The following RNF180 variants were observed in gnomAD, a reference collection of about 807,000 sequenced individuals.
RNF180 encodes ring finger protein 180, also known as E3 ubiquitin-protein ligase RNF180.
RNF180 carries 38 observed loss-of-function variants against 59.2 expected under a neutral mutation model. The ratio of observed to expected loss-of-function variants is 0.64; its 90% CI spans 0.50 to 0.84. The LOEUF (loss-of-function observed/expected upper bound fraction) is 0.84. Ranked by LOEUF, RNF180 falls within the 40% of genes least tolerant of loss-of-function variation. The probability of loss-of-function intolerance (pLI) is 0.00; values close to 1 mark genes in which losing one functional copy is unlikely to be tolerated. For missense variants in RNF180, 705 were observed against 700.9 expected (o/e 1.01, Z -0.07); for synonymous variants, 262 against 240.3 (o/e 1.09, Z -0.84).
At chr5:64,316,677 A>G (rs2112495367) in intron 5 of RNF180, among the ~76,000 whole-genome samples, 2 of 152,356 alleles carry the variant, frequency 1.3e-5, no homozygotes, top group South Asian at 2.1e-4. Flanking sequence ...AAATAAAAAT[A>G]TATAAATCAA....
chr5:64,228,571 A>T (rs1741914480), intron 5 of RNF180, among the ~76,000 whole-genome samples: 1 of 152,284 alleles, frequency 6.6e-6, no homozygotes, highest in Middle Eastern at 3.4e-3. Context: ...GGGAAGGAGA[A>T]TGTAATCTGG....
chr5:64,337,894 C>G (rs1745198475), intron 7 of RNF180, among the ~76,000 whole-genome samples: 1 of 152,112 alleles, frequency 6.6e-6, no homozygotes, highest in Admixed American at 6.5e-5. Context: ...TTTTCTTAAT[C>G]CAATCTATCA....
chr5:64,233,605 G>A (rs917985583), intron 5 of RNF180, among the ~76,000 whole-genome samples: 3 of 152,060 alleles, frequency 2.0e-5, no homozygotes, highest in East Asian at 1.9e-4. Context: ...AGTAATATAC[G>A]CCAAAATCTA....
chr5:64,361,018 G>A (rs1526875), intron 7 of RNF180, among the ~76,000 whole-genome samples: 68,027 of 151,256 alleles, frequency 0.45, 16,722 homozygotes, highest in African/African-American at 0.66. Context: ...ACAGTTTGCT[G>A]TGCAAATATC....
rs1374015457 is a variant in RNF180 at position 64,200,839 on chromosome 5, A to G, written c.32A>G (p.Asn11Ser). Residue 11 changes from asparagine (N) to serine (S), a missense_variant, in exon 2 of 8, where the codon AAT (asparagine) becomes AGT (serine). Coordinates refer to ENST00000389100, the MANE Select transcript of RNF180 (RefSeq NM_001113561.2). ...AGAAGCAAAGAATTGATAACTAAAA[A>G]TCATAGTCAAGAGGAAACAAGTATT... is the stretch of plus-strand genomic sequence containing the variant. MKRSKELITK[N>S]HSQEETSILR... 1 of 1,612,392 alleles carries G rather than the reference A, an allele frequency of 6.2e-7. No homozygotes were observed. The highest frequency in any genetic ancestry group is 8.5e-7 in the Non-Finnish European group (1 of 1,178,760).
At chr5:64,289,036 A>G (rs972839874) in intron 5 of RNF180, among the ~76,000 whole-genome samples, 1 of 152,136 alleles carries the variant, frequency 6.6e-6, no homozygotes, top group African/African-American at 2.4e-5. Context: ...TTTGTCATAT[A>G]TCGCTCTTAT....
At chr5:64,225,218 T>G (rs1741604943) in intron 5 of RNF180, among the ~76,000 whole-genome samples, 1 of 152,276 alleles carries the variant, frequency 6.6e-6, no homozygotes, top group African/African-American at 2.4e-5. Context: ...AACTAGGTGA[T>G]GGCTTCAGCT....
intron 7 of RNF180, among the ~76,000 whole-genome samples, chr5:64,346,088 CAGGAGAGATA>C (rs1745541908): frequency 6.6e-6 from 1 of 151,752 alleles, no homozygotes; most frequent in African/African-American, 2.4e-5. Context: ...TAAAGAACTC[CAGGAGAGATA>C]ACCATCAGCA....
intron 5 of RNF180, among the ~76,000 whole-genome samples, chr5:64,319,815 C>T (rs111497753): frequency 1.3e-5 from 2 of 152,212 alleles, no homozygotes; most frequent in Non-Finnish European, 2.9e-5. Flanking sequence ...AAACTAGCAG[C>T]AGTCAAAACA....
At chr5:64,217,286 T>C (rs1752680159) in intron 4 of RNF180, 75 bp from the exon 5 acceptor site, 4 of 1,315,100 alleles carry the variant, frequency 3.0e-6, no homozygotes. Context: ...TTTTAGGTTT[T>C]GCAAATTATG....
Position 64,242,531 on chromosome 5 carries a change from G to A in RNF180, c.1227+25135G>A, listed in dbSNP as rs1176902583. ...GTGACCAGGACGAGAAATGTAATAA[G>A]GTGAAGTAATAATACTATAATCAAA... On this transcript the variant is annotated intron_variant, in intron 5 of 7. Transcript: ENST00000389100. Among the ~76,000 whole-genome samples the A allele has an allele frequency of 6.6e-5, 10 of 152,054 alleles. No homozygotes were observed. The East Asian group carries it at 1.9e-3, about 29-fold the overall frequency.
At chr5:64,167,098 C>G (rs914288893) in intron 1 of RNF180, among the ~76,000 whole-genome samples, 2 of 152,132 alleles carry the variant, frequency 1.3e-5, no homozygotes, top group East Asian at 3.8e-4. Context: ...AGACTTTCGT[C>G]TCTTGTATAA....
At chr5:64,315,326 T>C (rs989033814) in intron 5 of RNF180, among the ~76,000 whole-genome samples, 1 of 152,356 alleles carries the variant, frequency 6.6e-6, no homozygotes, top group Admixed American at 6.5e-5. Flanking sequence ...ATTTACTTTG[T>C]TCTTTTTTGT....
chr5:64,366,775 C>A (rs1329715138), intron 7 of RNF180, among the ~76,000 whole-genome samples: 1 of 151,336 alleles, frequency 6.6e-6, no homozygotes, highest in African/African-American at 2.4e-5. Context: ...TTTGGTGTCC[C>A]AGAGATGAAG....
chr5:64,192,939 A>ATATATATAT (rs1554028955), intron 1 of RNF180, among the ~76,000 whole-genome samples: 192 of 135,178 alleles, frequency 1.4e-3, no homozygotes, highest in Non-Finnish European at 1.9e-3. Context: ...ATATATATAT[A>ATATATATAT]AAATGAAACA....
chr5:64,187,350 G>A (rs1424415240), intron 1 of RNF180, among the ~76,000 whole-genome samples: 2 of 152,146 alleles, frequency 1.3e-5, no homozygotes, highest in African/African-American at 4.8e-5. Flanking sequence ...AACAAACCCA[G>A]AGAAGGTAGA....
intron 1 of RNF180, among the ~76,000 whole-genome samples, chr5:64,186,499 C>A (rs568494281): frequency 1.3e-5 from 2 of 152,062 alleles, no homozygotes; most frequent in Admixed American, 6.6e-5. Context: ...TTTGCCTGTT[C>A]TCTCCCAGTC....
chr5:64,317,284 G>A (rs943348346), intron 5 of RNF180, among the ~76,000 whole-genome samples: 5 of 151,972 alleles, frequency 3.3e-5, no homozygotes, highest in African/African-American at 1.2e-4. Context: ...CATATAAAAA[G>A]TTATGTTTAT....
At chr5:64,323,531 C>T (rs544772472) in intron 5 of RNF180, among the ~76,000 whole-genome samples, 42 of 151,890 alleles carry the variant, frequency 2.8e-4, no homozygotes, top group African/African-American at 8.2e-4. Flanking sequence ...GAGTAAGACT[C>T]GGTGTCAAAA....
Sources: gnomAD v4.1 joint callset for allele counts (sites outside exome capture counted in the v4.1 genomes callset) on GRCh38, gnomAD v4.1.1 for gene constraint, MANE v1.5 for transcripts, NCBI Gene and HGNC (gene_info 2026-07-23, HGNC 2026-07-21) for gene names.